FGF14: variants seen among roughly 807,000 people sequenced by gnomAD.
The protein encoded by FGF14 is fibroblast growth factor 14.
A neutral mutation model predicts 25.5 loss-of-function variants in FGF14; 5 were observed. The ratio of observed to expected loss-of-function variants is 0.20; its 90% CI spans 0.10 to 0.41. FGF14 has a LOEUF of 0.41. Ranked by LOEUF, FGF14 falls within the 10% of genes least tolerant of loss-of-function variation. FGF14 has a pLI of 1.00. For missense variants in FGF14, 222 were observed against 320.1 expected (o/e 0.69, Z 2.34); for synonymous variants, 138 against 118.3 (o/e 1.17, Z -1.08).
At position 102,041,011 on chromosome 13, in the gene FGF14, C is replaced by A. The variant is rs551850538; in HGVS notation, c.209-165715G>T. ...TGTTTACTTACCCACCCTACCATAC[C>A]CAGCAGGTGCTCAACAAATAATGAA... On this transcript the variant is annotated intron_variant, in intron 1 of 4. Transcript: ENST00000376131. Among the ~76,000 whole-genome samples, 4 of 152,000 alleles carry A rather than the reference C, an allele frequency of 2.6e-5. No individual in the cohort carries two copies. In the South Asian group the frequency reaches 8.3e-4, roughly 32 times the overall value.
intron 1 of FGF14, chr13:102,393,898 T>C (rs2058496550): frequency 6.6e-6 from 1 of 152,198 alleles, no homozygotes; most frequent in South Asian, 2.1e-4. Context: ...TCTCTGAATT[T>C]AGAGTACAAT....
chr13:102,274,593 A>G (rs2053415213), intron 1 of FGF14, among the ~76,000 whole-genome samples: 1 of 152,182 alleles, frequency 6.6e-6, no homozygotes, highest in African/African-American at 2.4e-5. Flanking sequence ...GTTGCTCAGA[A>G]GTTCTGATTA....
chr13:101,802,654 TG>T (rs1297013025), intron 3 of FGF14, among the ~76,000 whole-genome samples: 1 of 152,190 alleles, frequency 6.6e-6, no homozygotes, highest in Non-Finnish European at 1.5e-5. Flanking sequence ...ATCCTGAAAC[TG>T]TATCAAAATT....
intron 3 of FGF14, among the ~76,000 whole-genome samples, chr13:101,857,610 G>A (rs1350171958): frequency 6.6e-6 from 1 of 152,020 alleles, no homozygotes; most frequent in Non-Finnish European, 1.5e-5. Context: ...AGCACAATAT[G>A]TCTTTCCATA....
At chr13:102,123,524 A>G (rs570566988) in intron 1 of FGF14, among the ~76,000 whole-genome samples, 15 of 152,084 alleles carry the variant, frequency 9.9e-5, no homozygotes, top group Non-Finnish European at 1.6e-4. Flanking sequence ...TGGACAAAAA[A>G]GAAATAGTAC....
intron 1 of FGF14, among the ~76,000 whole-genome samples, chr13:102,320,563 CTTA>C (rs1283679207): frequency 6.6e-6 from 1 of 152,108 alleles, no homozygotes; most frequent in East Asian, 1.9e-4. Context: ...GTTTTGGAGA[CTTA>C]TTTTGTCATA....
intron 3 of FGF14, among the ~76,000 whole-genome samples, chr13:101,835,492 TA>T (rs1255067836): frequency 6.6e-6 from 1 of 152,094 alleles, no homozygotes; most frequent in African/African-American, 2.4e-5. Flanking sequence ...ATTGGTCGAC[TA>T]TATCTTGTTA....
At chr13:102,178,992 G>A (rs1462205365) in intron 1 of FGF14, among the ~76,000 whole-genome samples, 1 of 152,016 alleles carries the variant, frequency 6.6e-6, no homozygotes, top group Non-Finnish European at 1.5e-5. Flanking sequence ...GAGGAAATCA[G>A]GGAATAAGGA....
chr13:101,915,064 C>T (rs1411207599), intron 1 of FGF14, among the ~76,000 whole-genome samples: 1 of 152,142 alleles, frequency 6.6e-6, no homozygotes, highest in East Asian at 1.9e-4. Flanking sequence ...ATCCCAAATT[C>T]TCCAACAAGA....
chr13:101,758,084 T>C (rs1341459647), intron 3 of FGF14, among the ~76,000 whole-genome samples: 2 of 152,168 alleles, frequency 1.3e-5, no homozygotes, highest in Non-Finnish European at 2.9e-5. Context: ...AATTAGAAAA[T>C]AAGAGCAGTG....
chr13:102,161,574 A>AAGAAGAGG (rs1555369410), intron 1 of FGF14, among the ~76,000 whole-genome samples: 2 of 5,312 alleles, frequency 3.8e-4, no homozygotes, highest in Non-Finnish European at 6.5e-4. Context: ...GTGAAGAAAG[A>AAGAAGAGG]AAGAAGAAGA....
At chr13:102,019,849 A>G (rs2139855361) in intron 1 of FGF14, among the ~76,000 whole-genome samples, 1 of 152,298 alleles carries the variant, frequency 6.6e-6, no homozygotes, top group South Asian at 2.1e-4. Context: ...TTGGACTCGT[A>G]TTGTTGCCAA....
Position 101,717,369 on chromosome 13 carries a change from G to A in FGF14, c.*5462C>T, listed in dbSNP as rs866544016. 2.6e-5 allele frequency: 4 copies of A among 152,084 alleles called. No homozygotes were observed. In the South Asian group the frequency reaches 6.2e-4, roughly 24 times the overall value. The allele number at this position is 152,084 out of a possible 1,614,324, so 9.4% of individuals were successfully genotyped here. ...ATGTTGTAGTTCTATTATTGAGTACGTAAATTGATAGATCTCTTCCGTAAA... is the reference window on the plus strand; with the variant it reads ...ATGTTGTAGTTCTATTATTGAGTACATAAATTGATAGATCTCTTCCGTAAA... On this transcript the variant is annotated 3_prime_UTR_variant, in exon 5 of 5. Transcript: ENST00000376143.
intron 3 of FGF14, among the ~76,000 whole-genome samples, chr13:101,817,081 CAG>C (rs2041880827): frequency 6.6e-6 from 1 of 152,174 alleles, no homozygotes; most frequent in South Asian, 2.1e-4. Context: ...AAAGGACTAA[CAG>C]AGCACACTTG....
chr13:101,932,390 G>A (rs2034809910), intron 1 of FGF14, among the ~76,000 whole-genome samples: 1 of 151,874 alleles, frequency 6.6e-6, no homozygotes, highest in South Asian at 2.1e-4. Flanking sequence ...AAAGTTAGCT[G>A]GGCGTGGTGG....
chr13:101,733,652 G>C (rs1429502034), intron 3 of FGF14, among the ~76,000 whole-genome samples: 4 of 149,456 alleles, frequency 2.7e-5, no homozygotes, highest in Non-Finnish European at 4.4e-5. Flanking sequence ...CCTGATTACA[G>C]GACCCAGGAA....
intron 1 of FGF14, among the ~76,000 whole-genome samples, chr13:101,951,662 G>A (rs1033291322): frequency 6.6e-6 from 1 of 152,068 alleles, no homozygotes; most frequent in Non-Finnish European, 1.5e-5. Context: ...TTGATTTCAA[G>A]CCTTCAGATT....
At chr13:101,903,049 G>A (rs1341480776) in intron 1 of FGF14, among the ~76,000 whole-genome samples, 1 of 151,980 alleles carries the variant, frequency 6.6e-6, no homozygotes, top group African/African-American at 2.4e-5. Flanking sequence ...AGTTTTCTGG[G>A]GTTTTTTGTT....
intron 1 of FGF14, among the ~76,000 whole-genome samples, chr13:102,201,033 C>T (rs1025526297): frequency 1.3e-4 from 17 of 130,824 alleles, no homozygotes; most frequent in African/African-American, 3.2e-4. Flanking sequence ...ACCCGGGAGG[C>T]GGAGCTTGCT....
Sources: gnomAD v4.1 joint callset for allele counts (sites outside exome capture counted in the v4.1 genomes callset) on GRCh38, gnomAD v4.1.1 for gene constraint, MANE v1.5 for transcripts, NCBI Gene and HGNC (gene_info 2026-07-23, HGNC 2026-07-21) for gene names.